Variants in KHNYN observed in about 807,000 individuals in gnomAD.
KHNYN encodes protein KHNYN.
KHNYN carries 42 observed loss-of-function variants against 62.7 expected under a neutral mutation model. The observed-to-expected ratio is 0.67, with a 90% CI of 0.52 to 0.87. KHNYN has a LOEUF of 0.87. KHNYN is among the 40% of genes least tolerant of loss of function. KHNYN has a pLI of 0.00. For missense variants in KHNYN, 829 were observed against 874.1 expected, an observed-to-expected ratio of 0.95 and a Z score of 0.65; for synonymous variants, 347 against 345.6, an observed-to-expected ratio of 1.00 and a Z score of -0.04.
intron 5 of KHNYN, among the ~76,000 whole-genome samples, chr14:24,434,734 T>C (rs1482166329): frequency 6.6e-6 from 1 of 152,194 alleles, no homozygotes; most frequent in East Asian, 1.9e-4. Flanking sequence ...CCTTAATTTG[T>C]TTCCCAGACA....
In KHNYN at chr14:24,437,071, G is replaced by A; in HGVS notation, c.1823G>A (p.Arg608Lys). 6.2e-7 allele frequency: 1 copy of A among 1,614,158 alleles called. No homozygotes were observed. The change falls in exon 8 of 8, where the codon AGG becomes AAG. Residue 608 changes from arginine (R) to lysine (K), a missense_variant. Arg to Lys is a conservative substitution (Grantham distance 26, BLOSUM62 2). Transcript: ENST00000553935. The surrounding 1 kb of genome is among the most constrained non-coding windows in gnomAD (Gnocchi z 5.5). ...TCTTCTAAGGCTCAGCATCCTTCCA[G>A]GGGCTTTGCAGAACATGGTAAACAG... ...QGSSKAQHPS[R>K]GFAEHGKQQQ...
chr14:24,436,355 C>T (rs2043204429), intron 6 of KHNYN, 33 bp from the exon 7 acceptor site: 2 of 1,590,160 alleles, frequency 1.3e-6, no homozygotes, highest in Non-Finnish European at 1.7e-6. Context: ...CAAGGGCCCC[C>T]TCTGTGACCA....
intron 5 of KHNYN, 132 bp from the exon 6 acceptor site, chr14:24,435,940 A>C (rs1018177933): frequency 1.4e-6 from 1 of 697,466 alleles, no homozygotes; most frequent in Admixed American, 2.3e-5. Flanking sequence ...ATACCAATAC[A>C]GTTTTGCTAC....
chr14:24,437,044 G>GAA lies in KHNYN; in HGVS notation c.1796_1797insAA (p.Ser601LeufsTer102). ...GGTCTGTTTCTTCCCAGGACACAGGGGTCTTCTAAGGCTCAGCATCCTTCC... is the reference window on the plus strand; with the variant it reads ...GGTCTGTTTCTTCCCAGGACACAGGGAAGTCTTCTAAGGCTCAGCATCCTTCC... On this transcript the variant is annotated frameshift_variant, in exon 8 of 8. Coordinates refer to ENST00000553935, the MANE Select transcript of KHNYN (RefSeq NM_015299.3). LOFTEE classifies it high-confidence loss of function. The surrounding 1 kb of genome is among the most constrained non-coding windows in gnomAD (Gnocchi z 5.5). 6.2e-7 allele frequency: 1 copy of GAA among 1,613,780 alleles called. No homozygotes were observed. The highest frequency in any genetic ancestry group is 8.5e-7 in the Non-Finnish European group (1 of 1,179,698).
upstream of KHNYN, chr14:24,427,973 A>G: frequency 6.2e-7 from 1 of 1,613,420 alleles, no homozygotes. This position sits in a 1 kb window ranked among gnomAD's most constrained non-coding sequence, Gnocchi z 4.4. Context: ...CCACGTGTTC[A>G]GCATCAGGCT....
chr14:24,437,133 A>G lies in KHNYN; in HGVS notation c.1885A>G (p.Ile629Val). 6.2e-7 allele frequency: 1 copy of G among 1,614,220 alleles called. No homozygotes were observed. The highest frequency in any genetic ancestry group is 8.5e-7 in the Non-Finnish European group (1 of 1,180,034). Residue 629 changes from isoleucine to valine, a missense_variant, in exon 8 of 8, where the codon ATT (isoleucine) becomes GTT (valine). Transcript: ENST00000553935. The surrounding 1 kb of genome is among the most constrained non-coding windows in gnomAD (Gnocchi z 5.5). ...GREEEKGSGG[I>V]RKTRETERLR... The stretch of plus-strand genomic sequence containing the variant: ...AGAAGAGGAAAAAGGTAGTGGTGGC[A>G]TTCGGAAGACCCGGGAAACAGAGCG...
the KHNYN span, among the ~76,000 whole-genome samples, chr14:24,424,226 TA>T: frequency 6.6e-6 from 1 of 152,226 alleles, no homozygotes; most frequent in Non-Finnish European, 1.5e-5. Context: ...ATATCTAAAA[TA>T]AAAATATATC....
chr14:24,440,037 C>G lies in KHNYN; in HGVS notation c.*2752C>G. On this transcript the variant is annotated 3_prime_UTR_variant, in exon 8 of 8. Coordinates refer to ENST00000553935, the MANE Select transcript of KHNYN (RefSeq NM_015299.3). ...GCTGAGCCTATTCACAGTGCCTAACCTGGAAGCCTGTGAGGAACAGGCCTC... is the reference window on the plus strand; with the variant it reads ...GCTGAGCCTATTCACAGTGCCTAACGTGGAAGCCTGTGAGGAACAGGCCTC... The G allele has an allele frequency of 6.6e-7, 1 of 1,512,716 alleles. No homozygotes were observed. Among genetic ancestry groups the G allele is most frequent in the Non-Finnish European group, 8.9e-7 (1 of 1,120,162 alleles). 93.7% of individuals were successfully genotyped at this position (1,512,716 alleles called of 1,614,324 possible).
intron 5 of KHNYN, chr14:24,435,825 C>G (rs1457372777): frequency 1.3e-5 from 7 of 529,204 alleles, no homozygotes; most frequent in Non-Finnish European, 2.4e-5. Context: ...AGATCTCCAT[C>G]ACCAGAAGTG....
At chr14:24,429,849 G>C, upstream of KHNYN, 1 of 1,017,046 alleles carries the variant, frequency 9.8e-7, no homozygotes, top group Non-Finnish European at 1.2e-6. Flanking sequence ...TAGGCCGAGC[G>C]GGCCCGTCGG....
upstream of KHNYN, chr14:24,429,125 G>A (rs1223974245): frequency 4.9e-6 from 7 of 1,429,036 alleles, no homozygotes; most frequent in Non-Finnish European, 6.5e-6. Flanking sequence ...CCTCTCCCTG[G>A]ATTCTCACCG....
chr14:24,429,754 A>G (rs2043069324), upstream of KHNYN: 1 of 985,210 alleles, frequency 1.0e-6, no homozygotes, highest in Admixed American at 6.2e-5. Flanking sequence ...ACTGCGCAGA[A>G]TGCGCGAGGA....
At chr14:24,427,467 G>A (rs1400654910), upstream of KHNYN, 1 of 315,480 alleles carries the variant, frequency 3.2e-6, no homozygotes, top group Non-Finnish European at 6.0e-6. The surrounding 1 kb of genome is among the most constrained non-coding windows in gnomAD (Gnocchi z 4.4). Flanking sequence ...GCTGGGGTGG[G>A]GGAACCGGAG....
upstream of KHNYN, chr14:24,429,736 G>C (rs1465517033): frequency 3.0e-6 from 3 of 985,272 alleles, no homozygotes; most frequent in Non-Finnish European, 3.6e-6. Context: ...TCCCCTTTCC[G>C]AGAAGTAACT....
chr14:24,428,614 G>A, upstream of KHNYN: 1 of 1,099,306 alleles, frequency 9.1e-7, no homozygotes, highest in Non-Finnish European at 1.3e-6. Flanking sequence ...CGGTGGGGTG[G>A]TGGGGCAATA....
Position 24,438,623 on chromosome 14 carries a change from A to G in KHNYN, c.*1338A>G, listed in dbSNP as rs964642961. 6.6e-6 allele frequency: 1 copy of G among 152,156 alleles called. No homozygotes were observed. Among genetic ancestry groups the G allele is most frequent in the Non-Finnish European group, 1.5e-5 (1 of 68,036 alleles). 9.4% of individuals were successfully genotyped at this position (152,156 alleles called of 1,614,324 possible). A position where few individuals can be genotyped will look rare whatever the true frequency, so the allele number is the denominator to read the frequency against. On this transcript the variant is annotated 3_prime_UTR_variant, in exon 8 of 8. Coordinates refer to ENST00000553935, the MANE Select transcript of KHNYN (RefSeq NM_015299.3). ...GTCCTCCTGTGCCAGGGAATTTACT[A>G]TCTCCAGGGTAGCACATTCCCTGTG... is the stretch of plus-strand genomic sequence containing the variant.
chr14:24,431,199 T>C (rs1484099720), intron 2 of KHNYN, among the ~76,000 whole-genome samples: 1 of 152,240 alleles, frequency 6.6e-6, no homozygotes, highest in Non-Finnish European at 1.5e-5. Context: ...GATATCTGGC[T>C]GAACAAGTTG....
chr14:24,427,607 G>A, upstream of KHNYN: 1 of 645,480 alleles, frequency 1.5e-6, no homozygotes, highest in Non-Finnish European at 2.7e-6. The surrounding 1 kb of genome is among the most constrained non-coding windows in gnomAD (Gnocchi z 4.4). Flanking sequence ...GGAAAGGCCT[G>A]GTCTGGAGAT....
In KHNYN at chr14:24,430,447, CT is replaced by C. The variant is rs1192767138; in HGVS notation, c.-17-265del. 397 of 1,269,724 alleles carry C rather than the reference CT, an allele frequency of 3.1e-4. 9 individuals carry two copies. The South Asian group carries it at 7.6e-3, about 24-fold the overall frequency. The allele number at this position is 1,269,724 out of a possible 1,614,324, so 78.7% of individuals were successfully genotyped here. A position where few individuals can be genotyped will look rare whatever the true frequency, so the allele number is the denominator to read the frequency against. Reference sequence around the variant, plus strand: ...CAGGCCGAGCTGGAGCCCCCCCACCCTTCTTGCTCCGGACTGTGGTCATCCT... The same window carrying C: ...CAGGCCGAGCTGGAGCCCCCCCACCCTCTTGCTCCGGACTGTGGTCATCCT... On this transcript the variant is annotated intron_variant, in intron 1 of 7. Transcript: ENST00000553935.
Sources: allele counts gnomAD v4.1 joint callset (sites outside exome capture counted in the v4.1 genomes callset), GRCh38; gene constraint gnomAD v4.1.1; non-coding constraint Gnocchi (gnomAD v3.1); transcripts MANE v1.5; gene names NCBI Gene and HGNC (gene_info 2026-07-23, HGNC 2026-07-21).